Variants in KLF7 observed in about 807,000 individuals in gnomAD.
The protein encoded by KLF7 is Krueppel-like factor 7.
In KLF7, 2 loss-of-function variants were observed where a neutral mutation model predicts 27.3. That is an observed-to-expected ratio of 0.07 (90% confidence interval 0.03 to 0.23). The LOEUF (loss-of-function observed/expected upper bound fraction) is 0.23. KLF7 is among the 10% of genes least tolerant of loss of function. The pLI is 1.00. For missense variants in KLF7, 221 were observed against 394.1 expected, an observed-to-expected ratio of 0.56 and a Z score of 3.72; for synonymous variants, 165 against 162.4, an observed-to-expected ratio of 1.02 and a Z score of -0.12.
intron 1 of KLF7, among the ~76,000 whole-genome samples, chr2:207,135,293 T>C (rs1450760172): frequency 6.6e-6 from 1 of 151,094 alleles, no homozygotes; most frequent in Non-Finnish European, 1.5e-5. Flanking sequence ...AACTGATAGA[T>C]AGCTCTGCTG....
chr2:207,163,298 G>A (rs1179321172), intron 1 of KLF7, among the ~76,000 whole-genome samples: 1 of 152,208 alleles, frequency 6.6e-6, no homozygotes, highest in East Asian at 1.9e-4. Flanking sequence ...TAAGGTGAGA[G>A]TGGCTGGCAG....
chr2:207,104,263 G>T (rs184362125), intron 2 of KLF7, among the ~76,000 whole-genome samples: 1 of 152,132 alleles, frequency 6.6e-6, no homozygotes, highest in African/African-American at 2.4e-5. Flanking sequence ...ATGAATATAC[G>T]AGTGGCAGAA....
chr2:207,118,927 A>T (rs1016390815), intron 2 of KLF7, among the ~76,000 whole-genome samples: 7 of 152,242 alleles, frequency 4.6e-5, no homozygotes, highest in African/African-American at 1.7e-4. Context: ...ATTTGAAAAT[A>T]AACTATTTCC....
At chr2:207,158,490 C>A (rs1023753728) in intron 1 of KLF7, among the ~76,000 whole-genome samples, 1 of 152,130 alleles carries the variant, frequency 6.6e-6, no homozygotes, top group African/African-American at 2.4e-5. Context: ...GTGCCAGAAA[C>A]AAAGCAATTT....
Position 207,079,247 on chromosome 2 carries a change from T to C in KLF7, c.*1966A>G, listed in dbSNP as rs1001913579. On this transcript the variant is annotated 3_prime_UTR_variant, in exon 4 of 4. Transcript: ENST00000309446. ...TTCAACATTTCAGTGAAAACAAAGG[T>C]TGCAGAAAGCTGAAAACCCAGATCT... 6.6e-6 allele frequency: 1 copy of C among 152,164 alleles called. No individual in the cohort carries two copies. The highest frequency in any genetic ancestry group is 1.5e-5 in the Non-Finnish European group (1 of 68,032). 9.4% of individuals were successfully genotyped at this position (152,164 alleles called of 1,614,324 possible). A position where few individuals can be genotyped will look rare whatever the true frequency, so the allele number is the denominator to read the frequency against.
At chr2:207,102,147 C>CACAT (rs1553522225) in intron 2 of KLF7, among the ~76,000 whole-genome samples, 5 of 151,456 alleles carry the variant, frequency 3.3e-5, no homozygotes, top group African/African-American at 1.2e-4. Context: ...CACACACACA[C>CACAT]ACACACACAC....
chr2:207,167,790 A>G (rs1009853848), upstream of KLF7, among the ~76,000 whole-genome samples: 4 of 152,236 alleles, frequency 2.6e-5, no homozygotes. Context: ...AGAAACAGAA[A>G]TAGTGGGATC....
At chr2:207,134,766 A>G (rs908844322) in intron 1 of KLF7, among the ~76,000 whole-genome samples, 3 of 152,198 alleles carry the variant, frequency 2.0e-5, no homozygotes, top group Non-Finnish European at 2.9e-5. Flanking sequence ...CCTGGGTCCA[A>G]TATCAGGTTA....
chr2:207,155,986 A>ACGG (rs2078371949), intron 1 of KLF7, among the ~76,000 whole-genome samples: 1 of 152,232 alleles, frequency 6.6e-6, no homozygotes, highest in African/African-American at 2.4e-5. Context: ...GAATGTGAGA[A>ACGG]CGGCGTCAAG....
intron 2 of KLF7, among the ~76,000 whole-genome samples, chr2:207,119,384 T>C (rs914014190): frequency 6.6e-6 from 1 of 151,912 alleles, no homozygotes; most frequent in East Asian, 1.9e-4. Flanking sequence ...TAAGAAGAAA[T>C]GTAGAAAATC....
chr2:207,113,368 A>C (rs957713582), intron 2 of KLF7, among the ~76,000 whole-genome samples: 1 of 152,190 alleles, frequency 6.6e-6, no homozygotes, highest in Non-Finnish European at 1.5e-5. Flanking sequence ...ATGTGTTTCC[A>C]TAGCTAAAGG....
At chr2:207,168,073 C>T (rs1179415865), upstream of KLF7, among the ~76,000 whole-genome samples, 1 of 130,150 alleles carries the variant, frequency 7.7e-6, no homozygotes, top group East Asian at 3.1e-4. Context: ...TGGGCAGGAA[C>T]CATTGAGAAA....
In KLF7 at chr2:207,148,334, A is replaced by G. The variant is rs529384619; in HGVS notation, c.102+17133T>C. Among the ~76,000 whole-genome samples, 28 of 152,264 alleles carry G rather than the reference A, an allele frequency of 1.8e-4. No homozygotes were observed. The East Asian group carries it at 5.2e-3, about 28-fold the overall frequency. On this transcript the variant is annotated intron_variant, in intron 1 of 3. Transcript: ENST00000309446. ...TCATGGAAGTCTGGGGCCAGGGCAA[A>G]TGGAAGCTGTGAGCTTCAGGGACCC...
chr2:207,093,295 C>A (rs998998051), intron 2 of KLF7, among the ~76,000 whole-genome samples: 7 of 152,198 alleles, frequency 4.6e-5, no homozygotes, highest in African/African-American at 1.7e-4. Flanking sequence ...GAAAAAAAGT[C>A]AAAAGCCAGG....
intron 1 of KLF7, among the ~76,000 whole-genome samples, chr2:207,156,425 G>A (rs943496213): frequency 6.6e-6 from 1 of 152,212 alleles, no homozygotes; most frequent in Non-Finnish European, 1.5e-5. Context: ...TGGTTGGTCA[G>A]TAAGAAAATG....
intron 2 of KLF7, among the ~76,000 whole-genome samples, chr2:207,097,260 TAA>T (rs961812845): frequency 6.9e-6 from 1 of 144,834 alleles, no homozygotes. Context: ...GGGAAGGAAT[TAA>T]AAAAAAAAAA....
At position 207,108,121 on chromosome 2, in the gene KLF7, C is replaced by CA. The variant is rs1181956360; in HGVS notation, c.733+15652dup. On this transcript the variant is annotated intron_variant, in intron 2 of 3. Transcript: ENST00000309446. ...ATGTATGAAAAGTTTTCCCTGGCTG[C>CA]AAAGGATTCTTTCTGGCTTTGCTCA... 5.3e-5 allele frequency among the ~76,000 whole-genome samples: 8 copies of CA among 152,266 alleles called. No homozygotes were observed. The East Asian group carries it at 1.4e-3, about 26-fold the overall frequency.
At chr2:207,100,428 T>G (rs969177047) in intron 2 of KLF7, among the ~76,000 whole-genome samples, 1 of 152,146 alleles carries the variant, frequency 6.6e-6, no homozygotes, top group African/African-American at 2.4e-5. Context: ...AAATTTTCAT[T>G]TGTTTGTTGT....
At chr2:207,127,455 T>A (rs1285395378) in intron 1 of KLF7, among the ~76,000 whole-genome samples, 3 of 152,168 alleles carry the variant, frequency 2.0e-5, no homozygotes, top group Non-Finnish European at 4.4e-5. Flanking sequence ...ATGTTAAGGA[T>A]GAGGAGGATT....
Sources: allele counts gnomAD v4.1 joint callset (sites outside exome capture counted in the v4.1 genomes callset), GRCh38; gene constraint gnomAD v4.1.1; transcripts MANE v1.5; gene names NCBI Gene and HGNC (gene_info 2026-07-23, HGNC 2026-07-21).